ACACA: variants seen among roughly 807,000 people sequenced by gnomAD.
ACACA encodes acetyl-CoA carboxylase alpha.
In ACACA, 103 loss-of-function variants were observed where a neutral mutation model predicts 296.1. That is an observed-to-expected ratio of 0.35 (90% confidence interval 0.30 to 0.41). ACACA has a LOEUF of 0.41. Ranked by LOEUF, ACACA falls within the 10% of genes least tolerant of loss-of-function variation. ACACA has a pLI of 1.00. For missense variants in ACACA, 1,554 were observed against 2,989.7 expected, an observed-to-expected ratio of 0.52 and a Z score of 11.20; for synonymous variants, 953 against 1,038.6, an observed-to-expected ratio of 0.92 and a Z score of 1.58.
chr17:37,201,038 T>C (rs2078223175), intron 33 of ACACA, among the ~76,000 whole-genome samples: 1 of 152,226 alleles, frequency 6.6e-6, no homozygotes, highest in African/African-American at 2.4e-5. Flanking sequence ...CATGAAGGCA[T>C]TTTTTAAAAA....
Position 37,121,641 on chromosome 17 carries a change from A to G in ACACA, c.6139-151T>C, listed in dbSNP as rs1303258484. On this transcript the variant is annotated intron_variant, in intron 49 of 55. Coordinates refer to ENST00000616317, the MANE Select transcript of ACACA (RefSeq NM_198834.3). ...TCATCAAGATCATCATGTTTGGAGT[A>G]AAAAAGAAGAAAGGATCCTCGATCT... The G allele has an allele frequency of 9.0e-6, 9 of 997,872 alleles. No individual in the cohort carries two copies. The East Asian group carries it at 2.0e-4, about 23-fold the overall frequency. 61.8% of individuals were successfully genotyped at this position (997,872 alleles called of 1,614,324 possible).
At chr17:37,378,888 C>T (rs1448674763) in intron 1 of ACACA, among the ~76,000 whole-genome samples, 1 of 151,990 alleles carries the variant, frequency 6.6e-6, no homozygotes, top group Non-Finnish European at 1.5e-5. Context: ...ACAGCAAGAC[C>T]CTGTCTTTTA....
intron 34 of ACACA, 65 bp from the exon 35 acceptor site, chr17:37,200,248 AAAG>A: frequency 1.4e-6 from 2 of 1,453,266 alleles, no homozygotes; most frequent in Non-Finnish European, 1.9e-6. Context: ...ACAAAATCAA[AAAG>A]AAATTGAGTA....
chr17:37,279,658 A>G (rs1235923191), intron 5 of ACACA, among the ~76,000 whole-genome samples: 1 of 151,286 alleles, frequency 6.6e-6, no homozygotes, highest in African/African-American at 2.4e-5. Context: ...AAAAAAAAAA[A>G]AAATTAGCTG....
At chr17:37,151,955 C>T (rs996395957) in intron 43 of ACACA, among the ~76,000 whole-genome samples, 4 of 151,960 alleles carry the variant, frequency 2.6e-5, no homozygotes, top group Non-Finnish European at 5.9e-5. Flanking sequence ...CCACCGCGCC[C>T]GGCCTAATTT....
At chr17:37,254,900 A>T (rs2081159455) in intron 14 of ACACA, among the ~76,000 whole-genome samples, 8 of 151,588 alleles carry the variant, frequency 5.3e-5, no homozygotes, top group Admixed American at 5.3e-4. Flanking sequence ...GAATGAACAG[A>T]GGAAATAGCA....
At chr17:37,179,218 G>A (rs150094434) in intron 41 of ACACA, 42 bp downstream of exon 41, 2 of 1,613,476 alleles carry the variant, frequency 1.2e-6, no homozygotes, top group East Asian at 2.2e-5. Flanking sequence ...GGTACTAGTG[G>A]GCACAGAGAT....
chr17:37,265,024 C>T (rs2081691803), intron 10 of ACACA, among the ~76,000 whole-genome samples: 1 of 152,184 alleles, frequency 6.6e-6, no homozygotes, highest in Admixed American at 6.5e-5. Context: ...AATCGTTCAT[C>T]TCCAATGCAG....
rs1375957111 is a variant in ACACA, at chr17:37,226,396, T to C, written c.3303A>G (p.Thr1101=). 13 of 1,614,060 alleles carry C rather than the reference T, an allele frequency of 8.1e-6. No individual in the cohort carries two copies. The highest frequency in any genetic ancestry group is 1.7e-5 in the Admixed American group (1 of 59,998). ...TGGTCTTACTGAGTTGAGTTAGCTCTGTGAGAATATTCAGCAGCTCATCAG... is the reference window on the plus strand; with the variant it reads ...TGGTCTTACTGAGTTGAGTTAGCTCCGTGAGAATATTCAGCAGCTCATCAG... ...TLTDELLNIL[T]ELTQLSKTTN... The change falls in exon 26 of 56, where the codon ACA becomes ACG. Residue 1101 remains threonine, a synonymous_variant. Transcript: ENST00000616317.
chr17:37,221,679 G>C, intron 29 of ACACA, 45 bp downstream of exon 29: 1 of 1,438,988 alleles, frequency 6.9e-7, no homozygotes, highest in Non-Finnish European at 9.8e-7. Context: ...GATTCTCATG[G>C]TATACCTCTG....
At chr17:37,332,490 C>T (rs1255620628) in intron 2 of ACACA, among the ~76,000 whole-genome samples, 3 of 151,556 alleles carry the variant, frequency 2.0e-5, no homozygotes, top group African/African-American at 7.3e-5. Context: ...AGAAAATAAG[C>T]CTGGGCGCGG....
intron 39 of ACACA, among the ~76,000 whole-genome samples, chr17:37,187,052 G>C (rs1181023409): frequency 6.6e-6 from 1 of 151,954 alleles, no homozygotes; most frequent in Non-Finnish European, 1.5e-5. Flanking sequence ...TGAAAGCTTT[G>C]ACTGAAAATG....
intron 4 of ACACA, among the ~76,000 whole-genome samples, chr17:37,284,597 G>A (rs1008615537): frequency 6.6e-6 from 1 of 152,120 alleles, no homozygotes; most frequent in Non-Finnish European, 1.5e-5. Context: ...ATAACTTTAT[G>A]AGCACTATTT....
chr17:37,333,758 C>T (rs1316576310), intron 2 of ACACA, among the ~76,000 whole-genome samples: 2 of 149,754 alleles, frequency 1.3e-5, no homozygotes, highest in African/African-American at 4.9e-5. Flanking sequence ...CCTGCCTTAT[C>T]GCCAAGCTCC....
At chr17:37,150,189 C>T (rs2075977629) in intron 44 of ACACA, among the ~76,000 whole-genome samples, 1 of 152,178 alleles carries the variant, frequency 6.6e-6, no homozygotes, top group Non-Finnish European at 1.5e-5. Context: ...TGGCTCATGC[C>T]TATCATCCTA....
intron 1 of ACACA, among the ~76,000 whole-genome samples, chr17:37,371,363 C>T (rs2049800213): frequency 6.6e-6 from 1 of 151,744 alleles, no homozygotes; most frequent in African/African-American, 2.4e-5. Flanking sequence ...CACGCATGAG[C>T]CACGACGCCC....
chr17:37,220,377 G>A (rs1220309379), intron 29 of ACACA, among the ~76,000 whole-genome samples: 1 of 152,118 alleles, frequency 6.6e-6, no homozygotes, highest in Non-Finnish European at 1.5e-5. Context: ...AAGGGAAGCA[G>A]GAAAAAGCAG....
chr17:37,096,350 G>C (rs1266184), intron 54 of ACACA, among the ~76,000 whole-genome samples: 24,985 of 152,140 alleles, frequency 0.16, 2,583 homozygotes, highest in East Asian at 0.38. Context: ...TCTCTGAGCT[G>C]CCCTGAAACA....
chr17:37,191,333 G>T, intron 37 of ACACA, 58 bp from the exon 38 acceptor site: 2 of 1,513,776 alleles, frequency 1.3e-6, no homozygotes, highest in Non-Finnish European at 1.8e-6. Context: ...ATAAAGAAAT[G>T]GCTATTATAA....
Sources: gnomAD v4.1 joint callset for allele counts (sites outside exome capture counted in the v4.1 genomes callset) on GRCh38, gnomAD v4.1.1 for gene constraint, MANE v1.5 for transcripts, NCBI Gene and HGNC (gene_info 2026-07-23, HGNC 2026-07-21) for gene names.